The following ANKHD1 variants were observed in gnomAD, a reference collection of about 807,000 sequenced individuals.
ANKHD1 encodes the protein ankyrin repeat and KH domain containing 1.
Under a neutral mutation model 230.5 loss-of-function variants are expected in ANKHD1, and 31 were observed. The observed-to-expected ratio is 0.13, with a 90% CI of 0.10 to 0.18. ANKHD1 has a LOEUF of 0.18. Among genes scored for constraint, ANKHD1 ranks in the 10% least tolerant of loss-of-function variants. The pLI is 1.00. For missense variants in ANKHD1, 2,256 were observed against 3,071.3 expected (o/e 0.73, Z 6.27); for synonymous variants, 1,074 against 1,117.6 (o/e 0.96, Z 0.78).
chr5:140,413,707 ATG>A (rs769659001), intron 1 of ANKHD1, among the ~76,000 whole-genome samples: 2 of 151,984 alleles, frequency 1.3e-5, no homozygotes, highest in South Asian at 2.1e-4. Flanking sequence ...GTGTATATGT[ATG>A]TGTGTGTGTA....
chr5:140,438,942 G>A (rs1328526062), intron 3 of ANKHD1, among the ~76,000 whole-genome samples: 1 of 152,108 alleles, frequency 6.6e-6, no homozygotes, highest in South Asian at 2.1e-4. Flanking sequence ...ACTCTAAACC[G>A]AGTGCTTGAG....
At chr5:140,448,637 G>A (rs1774468177) in intron 6 of ANKHD1, among the ~76,000 whole-genome samples, 1 of 152,130 alleles carries the variant, frequency 6.6e-6, no homozygotes, top group Non-Finnish European at 1.5e-5. Flanking sequence ...TAATAGGAAG[G>A]TTTAATATTG....
intron 1 of ANKHD1, among the ~76,000 whole-genome samples, chr5:140,420,489 A>G (rs1199057563): frequency 6.6e-6 from 1 of 152,156 alleles, no homozygotes; most frequent in Non-Finnish European, 1.5e-5. Context: ...CTCTGATCCA[A>G]TTTGAGTTAA....
chr5:140,477,177 A>G (rs1222451462), intron 10 of ANKHD1, among the ~76,000 whole-genome samples: 3 of 152,188 alleles, frequency 2.0e-5, no homozygotes, highest in Non-Finnish European at 4.4e-5. Context: ...TTTAAGCCAA[A>G]AGCACTTTTA....
Position 140,401,905 on chromosome 5 carries a change from C to T in ANKHD1, c.-63C>T, listed in dbSNP as rs761993756. 14 of 1,508,860 alleles carry T rather than the reference C, an allele frequency of 9.3e-6. No homozygotes were observed. Among genetic ancestry groups the T allele is most frequent in the African/African-American group, 2.9e-5 (2 of 68,698 alleles). The allele number at this position is 1,508,860 out of a possible 1,614,324, so 93.5% of individuals were successfully genotyped here. A position where few individuals can be genotyped will look rare whatever the true frequency, so the allele number is the denominator to read the frequency against. On this transcript the variant is annotated 5_prime_UTR_variant, in exon 1 of 34. Transcript: ENST00000360839. ...TTCCTCTTGCTGCTCTTCTCGTTCC[C>T]GAGATCAGCGGCGGCGGTGACCGCG...
chr5:140,476,334 A>G (rs973468464), intron 10 of ANKHD1, among the ~76,000 whole-genome samples: 1 of 152,160 alleles, frequency 6.6e-6, no homozygotes, highest in Non-Finnish European at 1.5e-5. Context: ...AGAATGGTGG[A>G]GAATTTTCTA....
intron 10 of ANKHD1, among the ~76,000 whole-genome samples, chr5:140,465,385 G>T (rs1315394535): frequency 6.6e-6 from 1 of 152,030 alleles, no homozygotes; most frequent in Non-Finnish European, 1.5e-5. Context: ...AAATTAGGTG[G>T]CAGGTTCATA....
rs1483725546 is a variant in ANKHD1 at position 140,535,347 on chromosome 5, C to T, written c.6851-15C>T. On this transcript the variant is annotated splice_polypyrimidine_tract_variant and intron_variant, in intron 29 of 33. Coordinates refer to ENST00000360839, the MANE Select transcript of ANKHD1 (RefSeq NM_017747.3). ...GTTTTAGCTAATTGGATGTCTTGGA[C>T]CTGTTTTATTTCAGGGTTACCATCC... The T allele has an allele frequency of 3.8e-6, 6 of 1,569,610 alleles. No individual in the cohort carries two copies. Among genetic ancestry groups the T allele is most frequent in the Admixed American group, 2.0e-5 (1 of 50,148 alleles).
intron 9 of ANKHD1, among the ~76,000 whole-genome samples, chr5:140,462,203 G>A (rs778323110): frequency 1.3e-5 from 2 of 151,564 alleles, no homozygotes; most frequent in African/African-American, 2.4e-5. Flanking sequence ...ATACTTCATA[G>A]GTGGTATTTG....
chr5:140,526,820 A>T, intron 26 of ANKHD1, 108 bp from the exon 27 acceptor site: 1 of 1,392,870 alleles, frequency 7.2e-7, no homozygotes, highest in African/African-American at 1.5e-5. Context: ...TGATGTGCCA[A>T]AGTTTAATAC....
intron 1 of ANKHD1, among the ~76,000 whole-genome samples, 199 bp from the exon 2 acceptor site, chr5:140,435,905 T>C (rs1773417015): frequency 6.6e-6 from 1 of 152,226 alleles, no homozygotes; most frequent in African/African-American, 2.4e-5. Context: ...TCAGTGTATG[T>C]GTGTTATACC....
At chr5:140,492,244 A>G (rs1038997500) in intron 14 of ANKHD1, among the ~76,000 whole-genome samples, 9 of 152,192 alleles carry the variant, frequency 5.9e-5, no homozygotes, top group African/African-American at 2.2e-4. Context: ...GGATTTACAC[A>G]TGCCCAAATT....
At chr5:140,497,877 CCACACACACACACACACACA>C (rs36224738) in intron 15 of ANKHD1, among the ~76,000 whole-genome samples, 12 of 144,608 alleles carry the variant, frequency 8.3e-5, no homozygotes, top group Non-Finnish European at 1.2e-4. Context: ...CCACACCACA[CCACACACACACACACACACA>C]CACACACACA....
At chr5:140,511,221 AAC>A (rs1561814691) in intron 22 of ANKHD1, among the ~76,000 whole-genome samples, 1 of 152,202 alleles carries the variant, frequency 6.6e-6, no homozygotes, top group Non-Finnish European at 1.5e-5. Context: ...CCAAACTATA[AAC>A]TACTTAGTAG....
rs571812845 is a variant in ANKHD1 at position 140,428,054 on chromosome 5, C to T, written c.307-8050C>T. ...CGGACGATGGGCAGCCGGGCAGAGA[C>T]GCTCCTCACTTCCTAGATGGGATGG... On this transcript the variant is annotated intron_variant, in intron 1 of 33. Transcript: ENST00000360839. Among the ~76,000 whole-genome samples the T allele has an allele frequency of 1.7e-3, 257 of 151,880 alleles. 2 individuals are homozygous for T. Among genetic ancestry groups the T allele is most frequent in the African/African-American group, 6.0e-3 (249 of 41,392 alleles).
At chr5:140,484,431 C>G (rs1056997796) in intron 11 of ANKHD1, among the ~76,000 whole-genome samples, 1 of 152,156 alleles carries the variant, frequency 6.6e-6, no homozygotes, top group Admixed American at 6.6e-5. Context: ...ACTTGCCTTT[C>G]AGATAACATA....
chr5:140,430,257 C>T (rs993347829), intron 1 of ANKHD1, among the ~76,000 whole-genome samples: 5 of 152,084 alleles, frequency 3.3e-5, no homozygotes, highest in Non-Finnish European at 7.4e-5. Flanking sequence ...ACTCTTTTTC[C>T]TCCACCCTTT....
intron 1 of ANKHD1, among the ~76,000 whole-genome samples, chr5:140,420,354 A>G (rs1417411934): frequency 6.6e-6 from 1 of 151,990 alleles, no homozygotes; most frequent in Non-Finnish European, 1.5e-5. Flanking sequence ...TTATATATTT[A>G]TCTTTTTGCT....
rs544731100 is a variant in ANKHD1, at chr5:140,427,812, G to A, written c.307-8292G>A. 4.6e-4 allele frequency among the ~76,000 whole-genome samples: 70 copies of A among 151,788 alleles called. 1 individual carries two copies. The East Asian group carries it at 0.012, about 25-fold the overall frequency. On this transcript the variant is annotated intron_variant, in intron 1 of 33. Coordinates refer to ENST00000360839, the MANE Select transcript of ANKHD1 (RefSeq NM_017747.3). ...CTCCCTCCCGGACAGGGTGGCTGCC[G>A]GGCGGAGACGTTCCTCACTTCCCAG...
Sources: allele counts gnomAD v4.1 joint callset (sites outside exome capture counted in the v4.1 genomes callset), GRCh38; gene constraint gnomAD v4.1.1; transcripts MANE v1.5; gene names NCBI Gene and HGNC (gene_info 2026-07-23, HGNC 2026-07-21).